Variants in TAS2R1 observed in about 807,000 individuals in gnomAD.
TAS2R1 encodes the protein taste receptor type 2 member 1.
For missense variants in TAS2R1, 370 were observed against 353.4 expected (o/e 1.05, Z -0.38); for synonymous variants, 141 against 134.2 (o/e 1.05, Z -0.35).
intron 1 of TAS2R1, among the ~76,000 whole-genome samples, chr5:9,695,093 A>C (rs576296318): frequency 6.6e-6 from 1 of 152,326 alleles, no homozygotes; most frequent in East Asian, 1.9e-4. Context: ...CTATCTAAAA[A>C]GGAAGGAAGA....
At chr5:9,734,696 C>T in the TAS2R1 span, among the ~76,000 whole-genome samples, 1 of 152,140 alleles carries the variant, frequency 6.6e-6, no homozygotes, top group Admixed American at 6.5e-5. Flanking sequence ...ATGGTGCCTA[C>T]GTTTTAATCT....
chr5:9,689,748 C>A (rs1579784890), intron 1 of TAS2R1, among the ~76,000 whole-genome samples: 1 of 151,864 alleles, frequency 6.6e-6, no homozygotes, highest in African/African-American at 2.4e-5. Flanking sequence ...AACGTTTTTT[C>A]TAGCTGTTAT....
At chr5:9,740,231 C>T in the TAS2R1 span, among the ~76,000 whole-genome samples, 1 of 152,146 alleles carries the variant, frequency 6.6e-6, no homozygotes, top group Non-Finnish European at 1.5e-5. Context: ...ATTTCCCTCA[C>T]TTATTTGACC....
chr5:9,758,002 C>G, the TAS2R1 span, among the ~76,000 whole-genome samples: 1 of 151,718 alleles, frequency 6.6e-6, no homozygotes, highest in Non-Finnish European at 1.5e-5. Flanking sequence ...TAAATTGTTC[C>G]CATTTGCCAA....
chr5:9,815,136 T>C, the TAS2R1 span, among the ~76,000 whole-genome samples: 2 of 151,894 alleles, frequency 1.3e-5, no homozygotes, highest in African/African-American at 2.4e-5. Flanking sequence ...CTTAAAGGAG[T>C]AGAAAAGGAG....
At chr5:9,845,400 T>C in the TAS2R1 span, among the ~76,000 whole-genome samples, 1 of 152,220 alleles carries the variant, frequency 6.6e-6, no homozygotes, top group Non-Finnish European at 1.5e-5. Context: ...TTGCATGCAG[T>C]AAACATTTAA....
At chr5:9,833,380 A>AT in the TAS2R1 span, among the ~76,000 whole-genome samples, 1 of 152,124 alleles carries the variant, frequency 6.6e-6, no homozygotes, top group Admixed American at 6.5e-5. Flanking sequence ...CCCAAGATGT[A>AT]TTTTCCTTTC....
At chr5:9,751,970 C>G in the TAS2R1 span, among the ~76,000 whole-genome samples, 1 of 152,160 alleles carries the variant, frequency 6.6e-6, no homozygotes, top group Non-Finnish European at 1.5e-5. Context: ...AGATAAGTAA[C>G]TATCAACTTT....
the TAS2R1 span, among the ~76,000 whole-genome samples, chr5:9,833,004 GGAC>G: frequency 6.6e-6 from 1 of 152,142 alleles, no homozygotes; most frequent in Non-Finnish European, 1.5e-5. Flanking sequence ...AGGTAAGGCG[GGAC>G]GACAAGAGGC....
At chr5:9,747,223 G>A in the TAS2R1 span, among the ~76,000 whole-genome samples, 2 of 152,194 alleles carry the variant, frequency 1.3e-5, no homozygotes, top group Non-Finnish European at 2.9e-5. Flanking sequence ...GAACCTGGTT[G>A]AGAATATTTT....
chr5:9,805,484 T>A, the TAS2R1 span, among the ~76,000 whole-genome samples: 2 of 151,892 alleles, frequency 1.3e-5, no homozygotes, highest in Admixed American at 1.3e-4. Flanking sequence ...AGAACATAGA[T>A]GCAAAAATTC....
At chr5:9,681,446 C>T (rs967775566) in intron 1 of TAS2R1, among the ~76,000 whole-genome samples, 18 of 149,660 alleles carry the variant, frequency 1.2e-4, no homozygotes, top group African/African-American at 4.4e-4. Context: ...GAAACTTCAT[C>T]CTTAGTACTG....
intron 1 of TAS2R1, among the ~76,000 whole-genome samples, chr5:9,681,058 T>G (rs528962095): frequency 5.1e-4 from 77 of 152,064 alleles, no homozygotes; most frequent in Non-Finnish European, 9.0e-4. Flanking sequence ...AGAGACTCCA[T>G]CTCAATCAAT....
intron 1 of TAS2R1, among the ~76,000 whole-genome samples, chr5:9,662,637 T>C (rs928485080): frequency 1.3e-5 from 2 of 152,160 alleles, no homozygotes; most frequent in African/African-American, 4.8e-5. Flanking sequence ...ATGCATGCTC[T>C]CACACACACC....
At chr5:9,741,218 C>T in the TAS2R1 span, among the ~76,000 whole-genome samples, 3 of 152,090 alleles carry the variant, frequency 2.0e-5, no homozygotes, top group Non-Finnish European at 2.9e-5. Flanking sequence ...TTAGAGACTG[C>T]GACCCAGAGA....
chr5:9,788,985 G>A, the TAS2R1 span, among the ~76,000 whole-genome samples: 11 of 152,146 alleles, frequency 7.2e-5, no homozygotes, highest in African/African-American at 1.2e-4. Context: ...TATGAGCCAT[G>A]AGTCTCCATT....
At chr5:9,739,318 C>T in the TAS2R1 span, among the ~76,000 whole-genome samples, 2 of 152,138 alleles carry the variant, frequency 1.3e-5, no homozygotes, top group South Asian at 4.1e-4. Context: ...TTCCCCACCC[C>T]TCATCTGCCC....
chr5:9,662,662 A>G (rs1254800947), intron 1 of TAS2R1, among the ~76,000 whole-genome samples: 1 of 152,198 alleles, frequency 6.6e-6, no homozygotes, highest in African/African-American at 2.4e-5. Flanking sequence ...CGTGACATCA[A>G]TCTAATAGTT....
upstream of TAS2R1, among the ~76,000 whole-genome samples, chr5:9,632,059 A>T (rs370984420): frequency 2.0e-5 from 3 of 152,234 alleles, no homozygotes; most frequent in East Asian, 1.9e-4. Context: ...TTAGAAAAAC[A>T]GAAATGTAAG....
Sources: gnomAD v4.1 joint callset for allele counts (sites outside exome capture counted in the v4.1 genomes callset) on GRCh38, gnomAD v4.1.1 for gene constraint, MANE v1.5 for transcripts, NCBI Gene and HGNC (gene_info 2026-07-23, HGNC 2026-07-21) for gene names.